PCTP: variants seen among roughly 807,000 people sequenced by gnomAD.
The protein encoded by PCTP is START domain-containing protein 2.
PCTP carries 27 observed loss-of-function variants against 31.0 expected under a neutral mutation model. The ratio of observed to expected loss-of-function variants is 0.87; its 90% confidence interval spans 0.64 to 1.20. The LOEUF is 1.20. Among genes scored for constraint, PCTP ranks in the 50% most tolerant of loss-of-function variants. The pLI is 0.00. For synonymous variants in PCTP, 108 were observed against 101.2 expected (o/e 1.07, Z -0.40); for missense variants, 287 against 268.2 (o/e 1.07, Z -0.49).
At chr17:55,826,239 A>C (rs1905390720), downstream of PCTP, among the ~76,000 whole-genome samples, 1 of 152,156 alleles carries the variant, frequency 6.6e-6, no homozygotes, top group Non-Finnish European at 1.5e-5. Context: ...GAGTTCAAGA[A>C]CATCCTCATG....
chr17:55,793,806 A>G (rs913438360), intron 3 of PCTP, among the ~76,000 whole-genome samples: 2 of 152,132 alleles, frequency 1.3e-5, no homozygotes, highest in African/African-American at 4.8e-5. Flanking sequence ...ACAACTCCCA[A>G]GGATCCTGTG....
intron 4 of PCTP, 110 bp downstream of exon 4, chr17:55,774,005 G>A: frequency 7.7e-7 from 1 of 1,303,268 alleles, no homozygotes; most frequent in Non-Finnish European, 1.0e-6. Flanking sequence ...AAGGTCAGAG[G>A]ACAGGCAAAG....
rs1911385757 is a variant in PCTP at position 55,777,274 on chromosome 17, C to G, written c.*1174C>G. ...AATAACAGAAATTCAGGATGTAAAG[C>G]CACAGAATGGGATTTATTAATGTGG... On this transcript the variant is annotated 3_prime_UTR_variant, in exon 6 of 6. Transcript: ENST00000268896. 2 of 985,120 alleles carry G rather than the reference C, an allele frequency of 2.0e-6. No individual in the cohort carries two copies. Among genetic ancestry groups the G allele is most frequent in the African/African-American group, 3.5e-5 (2 of 57,166 alleles). 61.0% of individuals were successfully genotyped at this position (985,120 alleles called of 1,614,324 possible).
At chr17:55,850,500 T>C in the PCTP span, among the ~76,000 whole-genome samples, 6 of 152,222 alleles carry the variant, frequency 3.9e-5, no homozygotes, top group Non-Finnish European at 5.9e-5. Context: ...CAAGACATTA[T>C]ACATTTTTGG....
At chr17:55,777,910 T>C (rs1911421463), downstream of PCTP, among the ~76,000 whole-genome samples, 1 of 152,160 alleles carries the variant, frequency 6.6e-6, no homozygotes, top group African/African-American at 2.4e-5. Flanking sequence ...ATCTTATGAA[T>C]AGATTATTTG....
downstream of PCTP, among the ~76,000 whole-genome samples, chr17:55,779,928 C>T (rs184379657): frequency 1.1e-3 from 170 of 152,196 alleles, no homozygotes; most frequent in Admixed American, 2.9e-3. Flanking sequence ...CATGTTGGGG[C>T]GCAGCATACC....
intron 2 of PCTP, among the ~76,000 whole-genome samples, chr17:55,784,016 G>C (rs934689640): frequency 3.3e-5 from 5 of 152,122 alleles, no homozygotes; most frequent in Non-Finnish European, 7.3e-5. Flanking sequence ...CCCGCTTGAG[G>C]ACTAGCGGAT....
intron 5 of PCTP, among the ~76,000 whole-genome samples, chr17:55,840,649 G>A (rs2145093130): frequency 6.6e-6 from 1 of 152,276 alleles, no homozygotes; most frequent in Middle Eastern, 3.4e-3. Context: ...ATGGCATATT[G>A]TTATAATTGT....
At chr17:55,762,285 G>A (rs191675613) in intron 1 of PCTP, among the ~76,000 whole-genome samples, 1 of 152,130 alleles carries the variant, frequency 6.6e-6, no homozygotes, top group Non-Finnish European at 1.5e-5. Context: ...TTGATCAGTG[G>A]GGGTGGGCAG....
At chr17:55,775,400 A>G (rs1336201810) in intron 5 of PCTP, 42 of 1,231,836 alleles carry the variant, frequency 3.4e-5, no homozygotes, top group Non-Finnish European at 4.1e-5. Flanking sequence ...CACAAGATCT[A>G]CTACTAGAGA....
intron 1 of PCTP, among the ~76,000 whole-genome samples, chr17:55,759,682 T>G (rs770190948): frequency 6.6e-6 from 1 of 152,070 alleles, no homozygotes; most frequent in African/African-American, 2.4e-5. Flanking sequence ...TTCACAGGAT[T>G]TGAGAATATG....
downstream of PCTP, among the ~76,000 whole-genome samples, chr17:55,845,887 G>GGTGTGTGTGTGTGTGTGTGTGT (rs34179575): frequency 9.3e-4 from 133 of 143,058 alleles, 1 homozygote; most frequent in South Asian, 5.7e-3. Context: ...AGAGGGTTGG[G>GGTGTGTGTGTGTGTGTGTGTGT]GTGTGTGTGT....
intron 3 of PCTP, among the ~76,000 whole-genome samples, chr17:55,808,205 T>G (rs1386218787): frequency 6.6e-6 from 1 of 152,200 alleles, no homozygotes; most frequent in East Asian, 1.9e-4. Context: ...TCTTCAAGTC[T>G]TCTGGGCCAA....
chr17:55,846,494 T>A (rs1330038134), downstream of PCTP, among the ~76,000 whole-genome samples: 2 of 152,130 alleles, frequency 1.3e-5, no homozygotes, highest in African/African-American at 4.8e-5. Context: ...GTAAAGAGGA[T>A]CTAATTTAGC....
intron 3 of PCTP, among the ~76,000 whole-genome samples, chr17:55,800,191 C>T (rs1019059179): frequency 6.6e-6 from 1 of 152,094 alleles, no homozygotes; most frequent in Admixed American, 6.6e-5. Context: ...TCCATTCTCC[C>T]CATCACTTTC....
chr17:55,772,509 C>A (rs1214136169), intron 3 of PCTP, among the ~76,000 whole-genome samples: 1 of 150,986 alleles, frequency 6.6e-6, no homozygotes, highest in East Asian at 1.9e-4. Context: ...ATCACTTGAA[C>A]CCAGGAGGTG....
chr17:55,760,138 C>G (rs937587668), intron 1 of PCTP, among the ~76,000 whole-genome samples: 1 of 152,162 alleles, frequency 6.6e-6, no homozygotes, highest in African/African-American at 2.4e-5. Context: ...CTGTCTCCAG[C>G]CTCCATTTCT....
At chr17:55,766,824 G>C (rs1298737184) in intron 1 of PCTP, among the ~76,000 whole-genome samples, 1 of 151,786 alleles carries the variant, frequency 6.6e-6, no homozygotes, top group Admixed American at 6.6e-5. Context: ...CTAGATCCCT[G>C]AGGAATCGCC....
At chr17:55,813,663 T>C (rs192767739) in intron 3 of PCTP, among the ~76,000 whole-genome samples, 1 of 152,318 alleles carries the variant, frequency 6.6e-6, no homozygotes. Context: ...GAATACAGCA[T>C]AGTCTTTGCT....
Sources: allele counts gnomAD v4.1 joint callset (sites outside exome capture counted in the v4.1 genomes callset), GRCh38; gene constraint gnomAD v4.1.1; transcripts MANE v1.5; gene names NCBI Gene and HGNC (gene_info 2026-07-23, HGNC 2026-07-21).